ATXN2L: variants seen among roughly 807,000 people sequenced by gnomAD.
ATXN2L encodes the protein ataxin 2 like.
In ATXN2L, 24 loss-of-function variants were observed where a neutral mutation model predicts 120.7. That is an observed-to-expected ratio of 0.20 (90% CI 0.14 to 0.28). The LOEUF is 0.28. Ranked by LOEUF, ATXN2L falls within the 10% of genes least tolerant of loss-of-function variation. The pLI, the probability that ATXN2L is intolerant of heterozygous loss-of-function variation, is 1.00. For synonymous variants in ATXN2L, 653 were observed against 568.1 expected, an observed-to-expected ratio of 1.15 and a Z score of -2.13; for missense variants, 1,312 against 1,432.3, an observed-to-expected ratio of 0.92 and a Z score of 1.36.
In ATXN2L at chr16:28,826,385, C is replaced by G. The variant is rs932632967; in HGVS notation, c.611C>G (p.Thr204Ser). The G allele has an allele frequency of 4.3e-6, 7 of 1,614,128 alleles. No homozygotes were observed. The highest frequency in any genetic ancestry group is 5.9e-6 in the Non-Finnish European group (7 of 1,179,998). ...CGAAATGTTGACTTCAACTATGCTA[C>G]TAAAGGTATTGTCCTAGGCTGTTAC... ...HFRNVDFNYA[T>S]KDKFTDSAIA... The change falls in exon 5 of 22, where the codon ACT (threonine) becomes AGT (serine). Residue 204 changes from threonine to serine, a missense_variant. Physicochemically the swap from Thr to Ser is moderately conservative, Grantham distance 58. Transcript: ENST00000336783.
At position 28,837,095 on chromosome 16, in the gene ATXN2L, T is replaced by G; in HGVS notation, c.*830T>G. On this transcript the variant is annotated 3_prime_UTR_variant, in exon 22 of 22. Transcript: ENST00000336783. ...TATAACTTCAGACTTGGGCCCCCTG[T>G]TCTTTCTTTCCCATTAACTTGAGTG... 1 of 527,082 alleles carries G rather than the reference T, an allele frequency of 1.9e-6. No individual in the cohort carries two copies. The allele number at this position is 527,082 out of a possible 1,614,324, so 32.7% of individuals were successfully genotyped here.
At chr16:28,835,803 C>T (rs755469201) in intron 21 of ATXN2L, 45 bp downstream of exon 21, 102 of 1,610,362 alleles carry the variant, frequency 6.3e-5, no homozygotes, top group Non-Finnish European at 7.6e-5. Context: ...TGCCAGGGCC[C>T]GTCTGCCATG....
chr16:28,834,096 G>C lies in ATXN2L; in HGVS notation c.2057G>C (p.Gly686Ala). ...NKSTSTPTSPGPRTHSTPSIP... is the reference protein window; with the variant it reads ...NKSTSTPTSPAPRTHSTPSIP... ...TCCACCAGTACCCCAACTTCTCCGG[G>C]GCCCCGGACTCATTCAACTCCCTCC... The change falls in exon 16 of 22, where the codon GGG becomes GCG. Residue 686 changes from glycine to alanine, a missense_variant. Gly to Ala is a moderately conservative substitution (Grantham distance 60). Transcript: ENST00000336783. The C allele has an allele frequency of 6.2e-7, 1 of 1,614,022 alleles. No homozygotes were observed. Among genetic ancestry groups the C allele is most frequent in the South Asian group, 1.1e-5 (1 of 91,070 alleles).
chr16:28,826,590 A>T (rs941739170), intron 5 of ATXN2L, 200 bp downstream of exon 5: 11 of 602,772 alleles, frequency 1.8e-5, no homozygotes, highest in Non-Finnish European at 3.1e-5. Flanking sequence ...CTAATATATA[A>T]TGCGATGAAT....
intron 4 of ATXN2L, 101 bp from the exon 5 acceptor site, chr16:28,826,139 G>T: frequency 1.4e-6 from 2 of 1,445,228 alleles, no homozygotes; most frequent in African/African-American, 1.4e-5. Context: ...GTTTGGGAAG[G>T]GTAAGAGAAA....
At chr16:28,824,438 T>C in intron 1 of ATXN2L, 2 of 1,285,578 alleles carry the variant, frequency 1.6e-6, no homozygotes, top group Non-Finnish European at 2.0e-6. Context: ...CTTTTGCGGC[T>C]GCGCTGTCCC....
chr16:28,832,029 G>A (rs978285381), intron 10 of ATXN2L, among the ~76,000 whole-genome samples, 176 bp from the exon 11 acceptor site: 3 of 152,140 alleles, frequency 2.0e-5, no homozygotes, highest in African/African-American at 4.8e-5. Flanking sequence ...TCCAGTTGTC[G>A]ATGATGCCCA....
In ATXN2L at chr16:28,833,380, G is replaced by A. The variant is rs1229889487; in HGVS notation, c.1955+26G>A. On this transcript the variant is annotated intron_variant, in intron 14 of 21. Coordinates refer to ENST00000336783, the MANE Select transcript of ATXN2L (RefSeq NM_007245.4). ...GTGAGTGGAGCGGGGTGGGGCTCTG[G>A]GAGGATGGCAGGAGGGATGAGAGCA... 4 of 1,613,852 alleles carry A rather than the reference G, an allele frequency of 2.5e-6. No homozygotes were observed. The South Asian group carries it at 3.3e-5, about 13-fold the overall frequency.
Position 28,836,790 on chromosome 16 carries a change from C to T in ATXN2L, c.*525C>T. On this transcript the variant is annotated 3_prime_UTR_variant, in exon 22 of 22. Coordinates refer to ENST00000336783, the MANE Select transcript of ATXN2L (RefSeq NM_007245.4). ...CCCGGGGAACTGAAGATTGTCCTGG[C>T]CGCGACCTGAGACCTCCATGAGTGG... 6.2e-7 allele frequency: 1 copy of T among 1,613,946 alleles called. No homozygotes were observed. The highest frequency in any genetic ancestry group is 8.5e-7 in the Non-Finnish European group (1 of 1,179,928).
chr16:28,835,321 T>C lies in ATXN2L; in HGVS notation c.2607T>C (p.His869=), dbSNP rs145381210. The C allele has an allele frequency of 5.0e-6, 8 of 1,613,530 alleles. No homozygotes were observed. The Admixed American group carries it at 8.3e-5, about 17-fold the overall frequency. Residue 869 remains histidine, a synonymous_variant, in exon 20 of 22, where the codon CAT becomes CAC. Transcript: ENST00000336783. ...ACCCACACCATGCCACACAGCTCCA[T>C]GCCCACCAGCCGCAGCCGGCTACCA... ...QSYPHHATQL[H]AHQPQPATTP... is the part of the protein sequence containing the mutation.
chr16:28,824,180 C>T (rs1433153372), intron 1 of ATXN2L: 5 of 1,038,050 alleles, frequency 4.8e-6, no homozygotes, highest in Non-Finnish European at 4.7e-6. Context: ...GTCTCATGAC[C>T]CGGGCATTCG....
chr16:28,835,735 A>G lies in ATXN2L; in HGVS notation c.2872A>G (p.Thr958Ala), dbSNP rs777018643. ...CCACCAGCAGCTGCCCCACGGCTTC[A>G]CCAACATGGCCCATGTTACCCAGGT... ...IHHQQLPHGF[T>A]NMAHVTQAHV... The change falls in exon 21 of 22, where the codon ACC becomes GCC. Residue 958 changes from threonine to alanine, a missense_variant. Physicochemically the swap from Thr to Ala is moderately conservative, Grantham distance 58. Coordinates refer to ENST00000336783, the MANE Select transcript of ATXN2L (RefSeq NM_007245.4). 1.9e-6 allele frequency: 3 copies of G among 1,614,036 alleles called. No homozygotes were observed. Among genetic ancestry groups the G allele is most frequent in the Non-Finnish European group, 8.5e-7 (1 of 1,179,966 alleles).
intron 20 of ATXN2L, 24 bp downstream of exon 20, chr16:28,835,423 G>A (rs1269464020): frequency 1.2e-6 from 2 of 1,612,058 alleles, no homozygotes; most frequent in Non-Finnish European, 1.7e-6. Flanking sequence ...GGGGTGCTGA[G>A]TGGTCCTGGT....
chr16:28,833,016 AG>A, intron 13 of ATXN2L, 42 bp from the exon 14 acceptor site: 1 of 1,601,026 alleles, frequency 6.2e-7, no homozygotes, highest in Non-Finnish European at 8.5e-7. Context: ...AGCCAGGACT[AG>A]GGTCTGGGTC....
intron 8 of ATXN2L, 54 bp downstream of exon 8, chr16:28,830,112 C>A: frequency 6.5e-7 from 1 of 1,531,498 alleles, no homozygotes. Flanking sequence ...TATCCTGGGG[C>A]CTGGGCCCAG....
At chr16:28,833,712 G>A in intron 15 of ATXN2L, 1 of 271,340 alleles carries the variant, frequency 3.7e-6, no homozygotes, top group Non-Finnish European at 7.5e-6. Flanking sequence ...TGGGTGATCA[G>A]GGGATCAGGG....
intron 6 of ATXN2L, among the ~76,000 whole-genome samples, chr16:28,828,374 G>A (rs2053032433): frequency 6.6e-6 from 1 of 152,158 alleles, no homozygotes; most frequent in African/African-American, 2.4e-5. Flanking sequence ...ATCACCTGAG[G>A]TTGGGAGTTT....
Position 28,832,295 on chromosome 16 carries a change from T to C in ATXN2L, c.1412T>C (p.Val471Ala). The C allele has an allele frequency of 6.2e-7, 1 of 1,614,114 alleles. No individual in the cohort carries two copies. The highest frequency in any genetic ancestry group is 8.5e-7 in the Non-Finnish European group (1 of 1,180,018). The change falls in exon 11 of 22, where the codon GTG (valine) becomes GCG (alanine). Residue 471 changes from valine (V) to alanine (A), a missense_variant. Transcript: ENST00000336783. Reference sequence around the variant, plus strand: ...CCAGAGCCTCCCATCGGCTCGGCAGTGCCAACCTCTTCAGCCTCCATCCCT... The same window carrying C: ...CCAGAGCCTCCCATCGGCTCGGCAGCGCCAACCTCTTCAGCCTCCATCCCT... ...SCPEPPIGSAVPTSSASIPVT... is the reference protein window; with the variant it reads ...SCPEPPIGSAAPTSSASIPVT...
rs2053543170 is a variant in ATXN2L at position 28,829,431 on chromosome 16, A to G, written c.772A>G (p.Lys258Glu). Residue 258 changes from lysine to glutamate, a missense_variant, in exon 7 of 22, where the codon AAG becomes GAG. Lys to Glu is a moderately conservative substitution (Grantham distance 56). Transcript: ENST00000336783. ...SNGWDPNEMF[K>E]FNEENYGVKT... ...TGGATGGGACCCCAATGAAATGTTC[A>G]AGTTCAATGAGGAGAACTACGGTGT... is the stretch of plus-strand genomic sequence containing the variant. 7 of 1,613,434 alleles carry G rather than the reference A, an allele frequency of 4.3e-6. No individual in the cohort carries two copies. Among genetic ancestry groups the G allele is most frequent in the Non-Finnish European group, 5.1e-6 (6 of 1,179,484 alleles).
Sources: gnomAD v4.1 joint callset for allele counts (sites outside exome capture counted in the v4.1 genomes callset) on GRCh38, gnomAD v4.1.1 for gene constraint, MANE v1.5 for transcripts, NCBI Gene and HGNC (gene_info 2026-07-23, HGNC 2026-07-21) for gene names.